CPEB3: variants seen among roughly 807,000 people sequenced by gnomAD.
CPEB3 encodes cytoplasmic polyadenylation element-binding protein 3.
CPEB3 carries 20 observed loss-of-function variants against 67.2 expected under a neutral mutation model. That is an observed-to-expected ratio of 0.30 (90% CI 0.21 to 0.43). The LOEUF (loss-of-function observed/expected upper bound fraction) is 0.43. Among genes scored for constraint, CPEB3 ranks in the 20% least tolerant of loss-of-function variants. The probability of loss-of-function intolerance (pLI) is 1.00; values close to 1 mark genes in which losing one functional copy is unlikely to be tolerated. For missense variants in CPEB3, 746 were observed against 968.6 expected, an observed-to-expected ratio of 0.77 and a Z score of 3.05; for synonymous variants, 376 against 393.1, an observed-to-expected ratio of 0.96 and a Z score of 0.51.
chr10:92,104,731 T>C (rs1441953035), intron 7 of CPEB3, among the ~76,000 whole-genome samples: 3 of 151,658 alleles, frequency 2.0e-5, no homozygotes, highest in Non-Finnish European at 4.4e-5. Context: ...AAATACAGCT[T>C]CCAAAGATTC....
At chr10:92,091,792 G>T (rs1242504765) in intron 8 of CPEB3, 38 bp downstream of exon 8, 3 of 1,263,986 alleles carry the variant, frequency 2.4e-6, no homozygotes, top group Non-Finnish European at 3.4e-6. Context: ...TTTTGTTGTT[G>T]TTGGTTTTGT....
chr10:92,087,762 T>C (rs1451614292), intron 8 of CPEB3, among the ~76,000 whole-genome samples: 1 of 152,218 alleles, frequency 6.6e-6, no homozygotes, highest in Non-Finnish European at 1.5e-5. Context: ...GGAGAGGTCC[T>C]AATGCCACAG....
intron 7 of CPEB3, among the ~76,000 whole-genome samples, chr10:92,098,159 C>CT (rs1843975463): frequency 2.1e-5 from 1 of 46,546 alleles, no homozygotes; most frequent in Admixed American, 4.3e-4. Flanking sequence ...GACACTCTGC[C>CT]TAAAAAAAAA....
chr10:92,230,788 T>C (rs887773151), intron 2 of CPEB3, among the ~76,000 whole-genome samples: 1 of 152,084 alleles, frequency 6.6e-6, no homozygotes, highest in African/African-American at 2.4e-5. Context: ...GTGAAGCTGG[T>C]TTCTACTGCA....
intron 8 of CPEB3, among the ~76,000 whole-genome samples, chr10:92,090,515 C>T (rs961517404): frequency 1.3e-4 from 20 of 152,192 alleles, no homozygotes; most frequent in East Asian, 9.6e-4. Flanking sequence ...GCACTCCAGC[C>T]TGGGCAACAG....
chr10:92,067,508 T>TA (rs1302314702), intron 9 of CPEB3, among the ~76,000 whole-genome samples: 3 of 143,510 alleles, frequency 2.1e-5, no homozygotes, highest in African/African-American at 5.2e-5. Flanking sequence ...CTCAAAGAAA[T>TA]AAAAAAAAGA....
At chr10:92,099,973 G>A (rs1844095478) in intron 7 of CPEB3, among the ~76,000 whole-genome samples, 1 of 152,140 alleles carries the variant, frequency 6.6e-6, no homozygotes, top group South Asian at 2.1e-4. Flanking sequence ...AGACCAGCCT[G>A]GGCAGCATAG....
intron 1 of CPEB3, among the ~76,000 whole-genome samples, chr10:92,256,135 A>G (rs1590547853): frequency 6.6e-6 from 1 of 152,270 alleles, no homozygotes; most frequent in South Asian, 2.1e-4. Flanking sequence ...GACAAGTCCA[A>G]CTGGTTGATA....
chr10:92,200,977 T>G lies in CPEB3; in HGVS notation c.1006-8341A>C, dbSNP rs55937822. 5.4e-3 allele frequency among the ~76,000 whole-genome samples: 822 copies of G among 152,322 alleles called. 8 individuals carry two copies. Among genetic ancestry groups the G allele is most frequent in the African/African-American group, 0.019 (782 of 41,578 alleles). ...CAGGGTAAATGCTACAGTGGTCAAC[T>G]GTATAAAAAGTACAAATGCCACCTG... is the stretch of plus-strand genomic sequence containing the variant. On this transcript the variant is annotated intron_variant, in intron 2 of 9. Transcript: ENST00000265997.
chr10:92,264,496 T>C (rs921252293), intron 1 of CPEB3, among the ~76,000 whole-genome samples: 7 of 152,230 alleles, frequency 4.6e-5, no homozygotes, highest in African/African-American at 1.4e-4. Context: ...TTTCTTTGCA[T>C]ACAATCAGGC....
At chr10:92,111,738 T>C (rs1028047215) in intron 6 of CPEB3, among the ~76,000 whole-genome samples, 2 of 152,198 alleles carry the variant, frequency 1.3e-5, no homozygotes, top group Non-Finnish European at 2.9e-5. Flanking sequence ...TTGATTGTGC[T>C]GATGATTGCA....
At chr10:92,228,759 G>T (rs1338276677) in intron 2 of CPEB3, among the ~76,000 whole-genome samples, 1 of 150,736 alleles carries the variant, frequency 6.6e-6, no homozygotes, top group African/African-American at 2.4e-5. Flanking sequence ...TGTTGCCCAG[G>T]CTGGAGTGCA....
rs945386720 is a variant in CPEB3, at chr10:92,236,743, T to C, written c.1005+2603A>G. Reference sequence around the variant, plus strand: ...CACCCTGAGCAACAAAAGTGAAACATTGTCACACACACACACACACACATA... The same window carrying C: ...CACCCTGAGCAACAAAAGTGAAACACTGTCACACACACACACACACACATA... On this transcript the variant is annotated intron_variant, in intron 2 of 9. Coordinates refer to ENST00000265997, the MANE Select transcript of CPEB3 (RefSeq NM_014912.5). Among the ~76,000 whole-genome samples the C allele has an allele frequency of 4.3e-5, 6 of 139,674 alleles. No homozygotes were observed. The East Asian group carries it at 5.9e-4, about 14-fold the overall frequency. 91.6% of individuals were successfully genotyped at this position (139,674 alleles called of 152,430 possible). A position where few individuals can be genotyped will look rare whatever the true frequency, so the allele number is the denominator to read the frequency against.
intron 4 of CPEB3, among the ~76,000 whole-genome samples, chr10:92,180,119 C>G (rs1024282805): frequency 6.6e-6 from 1 of 151,986 alleles, no homozygotes; most frequent in Admixed American, 6.5e-5. Context: ...GGTATCTGAT[C>G]CATTGACACT....
At chr10:92,245,257 C>T (rs367650477) in intron 1 of CPEB3, among the ~76,000 whole-genome samples, 4 of 151,200 alleles carry the variant, frequency 2.6e-5, no homozygotes, top group East Asian at 3.9e-4. Flanking sequence ...CCTACCTCAG[C>T]CTCTTGAGTA....
chr10:92,232,731 C>T (rs1851331451), intron 2 of CPEB3, among the ~76,000 whole-genome samples: 1 of 149,052 alleles, frequency 6.7e-6, no homozygotes, highest in South Asian at 2.1e-4. Context: ...GCATTCCAGC[C>T]TGGGTGACAG....
chr10:92,177,228 T>G (rs1008487909), intron 4 of CPEB3, among the ~76,000 whole-genome samples: 1 of 152,202 alleles, frequency 6.6e-6, no homozygotes, highest in Non-Finnish European at 1.5e-5. Flanking sequence ...GTGTTTTTGT[T>G]TAAAAGTAAG....
chr10:92,143,127 C>A lies in CPEB3; in HGVS notation c.1364-9G>T. 6.2e-7 allele frequency: 1 copy of A among 1,604,034 alleles called. No homozygotes were observed. Among genetic ancestry groups the A allele is most frequent in the Non-Finnish European group, 8.5e-7 (1 of 1,173,394 alleles). ...GCTGGCAGTGATCTCATCTACAAAA[C>A]AAAGAAAGAATCTTAGCAAAAGAGA... On this transcript the variant is annotated splice_polypyrimidine_tract_variant and intron_variant, in intron 5 of 9. Coordinates refer to ENST00000265997, the MANE Select transcript of CPEB3 (RefSeq NM_014912.5).
chr10:92,125,687 G>A (rs555743444), intron 6 of CPEB3, among the ~76,000 whole-genome samples: 1 of 151,854 alleles, frequency 6.6e-6, no homozygotes, highest in African/African-American at 2.4e-5. Context: ...TATCTTCCTA[G>A]TGGCCACATT....
Sources: gnomAD v4.1 joint callset for allele counts (sites outside exome capture counted in the v4.1 genomes callset) on GRCh38, gnomAD v4.1.1 for gene constraint, MANE v1.5 for transcripts, NCBI Gene and HGNC (gene_info 2026-07-23, HGNC 2026-07-21) for gene names.